AGBL4: variants seen among roughly 807,000 people sequenced by gnomAD.
The protein encoded by AGBL4 is cytosolic carboxypeptidase 6.
In AGBL4, 58 loss-of-function variants were observed where a neutral mutation model predicts 66.4. The observed-to-expected ratio is 0.87, with a 90% CI of 0.71 to 1.09. The LOEUF is 1.09. AGBL4 is among the 50% of genes least tolerant of loss of function. AGBL4 has a pLI of 0.00. For missense variants in AGBL4, 579 were observed against 631.0 expected, an observed-to-expected ratio of 0.92 and a Z score of 0.88; for synonymous variants, 234 against 222.9, an observed-to-expected ratio of 1.05 and a Z score of -0.44.
At chr1:48,669,768 G>A (rs558374539) in intron 6 of AGBL4, among the ~76,000 whole-genome samples, 34 of 152,184 alleles carry the variant, frequency 2.2e-4, no homozygotes, top group Admixed American at 2.0e-3. Context: ...GGTCAAGCAG[G>A]ACCAAAAGCC....
At chr1:48,754,556 G>A (rs974833319) in intron 6 of AGBL4, among the ~76,000 whole-genome samples, 3 of 152,074 alleles carry the variant, frequency 2.0e-5, no homozygotes, top group Non-Finnish European at 2.9e-5. Flanking sequence ...TACTTATTTG[G>A]GGGAGGAGGG....
intron 4 of AGBL4, among the ~76,000 whole-genome samples, chr1:49,095,487 A>T (rs1254755861): frequency 6.6e-6 from 1 of 152,174 alleles, no homozygotes; most frequent in East Asian, 1.9e-4. Context: ...CAAAACAGAG[A>T]TAGATATAGA....
chr1:49,830,043 T>A (rs1407551419), intron 2 of AGBL4, among the ~76,000 whole-genome samples: 1 of 152,204 alleles, frequency 6.6e-6, no homozygotes, highest in African/African-American at 2.4e-5. Flanking sequence ...TAGTTCCAAG[T>A]CTTTGCTATT....
At chr1:49,659,783 C>T (rs1475812110) in intron 3 of AGBL4, among the ~76,000 whole-genome samples, 1 of 152,112 alleles carries the variant, frequency 6.6e-6, no homozygotes, top group Non-Finnish European at 1.5e-5. Flanking sequence ...TAGATATATA[C>T]AGAACTTGCC....
chr1:49,309,117 C>T (rs756667883), intron 3 of AGBL4, among the ~76,000 whole-genome samples: 5 of 152,028 alleles, frequency 3.3e-5, no homozygotes, highest in Admixed American at 6.6e-5. Flanking sequence ...CAATAAAAGG[C>T]TGGAAGGTAG....
At chr1:49,510,802 G>A (rs1342768940) in intron 3 of AGBL4, among the ~76,000 whole-genome samples, 1 of 150,640 alleles carries the variant, frequency 6.6e-6, no homozygotes, top group African/African-American at 2.4e-5. Flanking sequence ...TTCTACATAT[G>A]GCTAGCCAGT....
At chr1:49,140,300 A>T (rs1421490260) in intron 4 of AGBL4, among the ~76,000 whole-genome samples, 1 of 152,230 alleles carries the variant, frequency 6.6e-6, no homozygotes, top group Non-Finnish European at 1.5e-5. Context: ...AATTATAGAT[A>T]AGGAAATCTA....
chr1:49,950,048 ATGTG>A (rs1655968068), intron 1 of AGBL4, among the ~76,000 whole-genome samples: 1 of 141,178 alleles, frequency 7.1e-6, no homozygotes, highest in Non-Finnish European at 1.5e-5. Context: ...ATATACACAT[ATGTG>A]TATATATACA....
intron 1 of AGBL4, among the ~76,000 whole-genome samples, chr1:49,992,711 C>T (rs2148405503): frequency 6.6e-6 from 1 of 152,176 alleles, no homozygotes; most frequent in Non-Finnish European, 1.5e-5. Context: ...TCTCCATTTC[C>T]TTATTGCCTA....
At chr1:49,803,669 C>G (rs1644913280) in intron 2 of AGBL4, among the ~76,000 whole-genome samples, 1 of 152,076 alleles carries the variant, frequency 6.6e-6, no homozygotes, top group African/African-American at 2.4e-5. Flanking sequence ...ATTCTGATAA[C>G]CTGATATTTG....
At chr1:48,593,505 A>G (rs1644947920) in intron 9 of AGBL4, among the ~76,000 whole-genome samples, 2 of 152,232 alleles carry the variant, frequency 1.3e-5, no homozygotes, top group African/African-American at 4.8e-5. Flanking sequence ...TAATCCCAGC[A>G]CTTTGGGAGG....
chr1:49,832,146 C>T (rs1184629520), intron 2 of AGBL4, among the ~76,000 whole-genome samples: 6 of 151,864 alleles, frequency 4.0e-5, no homozygotes, highest in Non-Finnish European at 5.9e-5. Context: ...TCCCTCCCCC[C>T]TTCCCCCACC....
chr1:49,482,372 T>G (rs1646973523), intron 3 of AGBL4, among the ~76,000 whole-genome samples: 1 of 152,054 alleles, frequency 6.6e-6, no homozygotes, highest in Non-Finnish European at 1.5e-5. Flanking sequence ...TGCGAGGGTG[T>G]AAGTGCCCAG....
At chr1:49,740,430 G>C (rs1272834002) in intron 2 of AGBL4, among the ~76,000 whole-genome samples, 3 of 152,204 alleles carry the variant, frequency 2.0e-5, no homozygotes, top group South Asian at 2.1e-4. Context: ...AAGAGACGTA[G>C]ACTCCCACAC....
intron 3 of AGBL4, among the ~76,000 whole-genome samples, chr1:49,587,050 C>T (rs1644661915): frequency 6.6e-6 from 1 of 152,028 alleles, no homozygotes; most frequent in Non-Finnish European, 1.5e-5. Context: ...TCAAGACCAG[C>T]CTGGCCAAAA....
chr1:49,040,112 T>C (rs893073361), intron 5 of AGBL4, among the ~76,000 whole-genome samples: 12 of 152,030 alleles, frequency 7.9e-5, no homozygotes, highest in Admixed American at 6.6e-5. Flanking sequence ...TGTTAGAATA[T>C]ATAAAGAACT....
intron 4 of AGBL4, among the ~76,000 whole-genome samples, chr1:49,200,555 C>A (rs1297238853): frequency 6.6e-6 from 1 of 152,192 alleles, no homozygotes; most frequent in Non-Finnish European, 1.5e-5. Context: ...GCCTGCACTT[C>A]TGACTGACTG....
intron 5 of AGBL4, among the ~76,000 whole-genome samples, chr1:49,015,422 ATT>A (rs549726675): frequency 1.2e-3 from 157 of 128,616 alleles, no homozygotes; most frequent in Admixed American, 1.6e-3. Flanking sequence ...ATTTCAAGTA[ATT>A]TTTTTTTTTT....
At chr1:49,262,282 G>A (rs560762696) in intron 3 of AGBL4, among the ~76,000 whole-genome samples, 10 of 151,924 alleles carry the variant, frequency 6.6e-5, no homozygotes, top group African/African-American at 1.9e-4. Context: ...ACTTCATGGC[G>A]ACAAAAGACA....
Sources: gnomAD v4.1 joint callset for allele counts (sites outside exome capture counted in the v4.1 genomes callset) on GRCh38, gnomAD v4.1.1 for gene constraint, MANE v1.5 for transcripts, NCBI Gene and HGNC (gene_info 2026-07-23, HGNC 2026-07-21) for gene names.